Variants in GLRA1 observed in about 807,000 individuals in gnomAD.
The protein encoded by GLRA1 is glycine receptor alpha 1.
GLRA1 carries 37 observed loss-of-function variants against 48.3 expected under a neutral mutation model. The observed-to-expected ratio is 0.77, with a 90% confidence interval of 0.59 to 1.01. The LOEUF is 1.01. GLRA1 is among the 50% of genes least tolerant of loss of function. GLRA1 has a pLI of 0.00. For missense variants in GLRA1, 427 were observed against 571.0 expected, an observed-to-expected ratio of 0.75 and a Z score of 2.57; for synonymous variants, 196 against 210.7, an observed-to-expected ratio of 0.93 and a Z score of 0.60.
intron 2 of GLRA1, among the ~76,000 whole-genome samples, chr5:151,889,787 CA>C (rs1754013413): frequency 1.3e-5 from 2 of 151,940 alleles, no homozygotes; most frequent in Non-Finnish European, 2.9e-5. Flanking sequence ...GGAAAGGCAT[CA>C]AAGGGCTCAG....
intron 2 of GLRA1, among the ~76,000 whole-genome samples, chr5:151,889,438 G>A (rs993619251): frequency 6.6e-6 from 1 of 152,248 alleles, no homozygotes; most frequent in Non-Finnish European, 1.5e-5. Flanking sequence ...GATACAGTAA[G>A]TGACTCATTT....
chr5:151,899,952 G>A (rs1317050402), intron 1 of GLRA1, among the ~76,000 whole-genome samples: 2 of 152,082 alleles, frequency 1.3e-5, no homozygotes, highest in African/African-American at 4.8e-5. Context: ...TCTTCTTGTA[G>A]CAAGGTAAAA....
At chr5:151,883,405 T>TA (rs1753813869) in intron 3 of GLRA1, among the ~76,000 whole-genome samples, 1 of 150,268 alleles carries the variant, frequency 6.7e-6, no homozygotes, top group African/African-American at 2.5e-5. Context: ...TCTTTGGAGT[T>TA]ATAGCAGTGT....
chr5:151,838,474 AAG>A (rs1342340939), intron 7 of GLRA1, among the ~76,000 whole-genome samples: 1 of 152,202 alleles, frequency 6.6e-6, no homozygotes, highest in Non-Finnish European at 1.5e-5. Context: ...TTCTCAAAAA[AAG>A]AAATGATAAA....
At chr5:151,839,695 A>C (rs1442882840) in intron 7 of GLRA1, among the ~76,000 whole-genome samples, 2 of 152,104 alleles carry the variant, frequency 1.3e-5, no homozygotes, top group Non-Finnish European at 2.9e-5. Flanking sequence ...CTTTAGGGTG[A>C]GATCTTACAG....
At chr5:151,857,901 A>G (rs1378489565) in intron 4 of GLRA1, among the ~76,000 whole-genome samples, 1 of 152,202 alleles carries the variant, frequency 6.6e-6, no homozygotes, top group African/African-American at 2.4e-5. Context: ...CAGGTGAGAA[A>G]CCCAGGGTGC....
intron 2 of GLRA1, among the ~76,000 whole-genome samples, chr5:151,890,921 A>G (rs1581648557): frequency 6.6e-6 from 1 of 150,474 alleles, no homozygotes; most frequent in East Asian, 2.0e-4. Flanking sequence ...GTAAATGGGG[A>G]GAGTGGGCCC....
chr5:151,845,694 C>T (rs899717209), intron 7 of GLRA1, among the ~76,000 whole-genome samples: 2 of 152,298 alleles, frequency 1.3e-5, no homozygotes, highest in East Asian at 1.9e-4. Flanking sequence ...TAACATGTGA[C>T]ACAACAGTTT....
At chr5:151,843,754 C>A (rs1027600737) in intron 7 of GLRA1, among the ~76,000 whole-genome samples, 2 of 152,104 alleles carry the variant, frequency 1.3e-5, no homozygotes, top group African/African-American at 4.8e-5. Context: ...AATTGAGAGT[C>A]CAGAAGTAAG....
At chr5:151,867,043 T>C (rs1753356343) in intron 3 of GLRA1, among the ~76,000 whole-genome samples, 1 of 152,134 alleles carries the variant, frequency 6.6e-6, no homozygotes, top group East Asian at 1.9e-4. Flanking sequence ...CCCATGAGGT[T>C]GAGGCTGTAG....
At chr5:151,854,951 A>C in intron 6 of GLRA1, 89 bp downstream of exon 6, 1 of 1,368,690 alleles carries the variant, frequency 7.3e-7, no homozygotes. Context: ...TCTTCATAAG[A>C]TCTGTTGGAT....
Position 151,855,025 on chromosome 5 carries a change from G to T in GLRA1, c.697+15C>A. On this transcript the variant is annotated intron_variant, in intron 6 of 8. Transcript: ENST00000274576. The stretch of plus-strand genomic sequence containing the variant: ...TTGGGGGGTGGGATCTGAGGAGGGT[G>T]GCCCTTGTACCTACCTGTGTTGTAG... 1 of 1,613,516 alleles carries T rather than the reference G, an allele frequency of 6.2e-7. No individual in the cohort carries two copies. The highest frequency in any genetic ancestry group is 8.5e-7 in the Non-Finnish European group (1 of 1,179,620).
intron 7 of GLRA1, among the ~76,000 whole-genome samples, chr5:151,838,243 A>G (rs1270175998): frequency 2.0e-5 from 3 of 152,134 alleles, no homozygotes; most frequent in East Asian, 1.9e-4. Context: ...TGAGGCAGGT[A>G]GATCACCTCA....
rs149160214 is a variant in GLRA1 at position 151,872,789 on chromosome 5, G to A, written c.253-12781C>T. ...TAATATATTTGTTTTCCCATGTTTC[G>A]AAATTTGGGATTGTGTAGAGAGTTA... On this transcript the variant is annotated intron_variant, in intron 3 of 8. Coordinates refer to ENST00000274576, the MANE Select transcript of GLRA1 (RefSeq NM_000171.4). Among the ~76,000 whole-genome samples, 8 of 149,828 alleles carry A rather than the reference G, an allele frequency of 5.3e-5. 1 individual carries two copies. Among genetic ancestry groups the A allele is most frequent in the South Asian group, 2.1e-4 (1 of 4,808 alleles).
Position 151,849,458 on chromosome 5 carries a change from T to TTC in GLRA1, c.912+1931_912+1932insGA, listed in dbSNP as rs1312563438. On this transcript the variant is annotated intron_variant, in intron 7 of 8. Coordinates refer to ENST00000274576, the MANE Select transcript of GLRA1 (RefSeq NM_000171.4). ...TTCCTTTCCTTTCCTTTCCTTTCCT[T>TTC]CCTTCCTTCCTTCCTTCCTTCCTTC... Among the ~76,000 whole-genome samples the TTC allele has an allele frequency of 3.3e-4, 14 of 42,122 alleles. 3 individuals are homozygous for TTC. Among genetic ancestry groups the TTC allele is most frequent in the African/African-American group, 1.9e-3 (13 of 6,986 alleles). 27.6% of individuals were successfully genotyped at this position (42,122 alleles called of 152,430 possible).
chr5:151,917,031 A>G (rs1419837573), intron 1 of GLRA1, among the ~76,000 whole-genome samples: 1 of 152,146 alleles, frequency 6.6e-6, no homozygotes, highest in Admixed American at 6.5e-5. Flanking sequence ...TATGTAGTGG[A>G]GTAAGTTTGG....
chr5:151,877,762 A>G (rs1202547760), intron 3 of GLRA1, among the ~76,000 whole-genome samples: 1 of 152,220 alleles, frequency 6.6e-6, no homozygotes, highest in African/African-American at 2.4e-5. Flanking sequence ...GTCTGCTGCC[A>G]TGTGAGACAT....
chr5:151,838,542 T>C (rs1054002246), intron 7 of GLRA1, among the ~76,000 whole-genome samples: 1 of 152,072 alleles, frequency 6.6e-6, no homozygotes, highest in African/African-American at 2.4e-5. Context: ...AATGAAAACT[T>C]CACTAGATGG....
chr5:151,828,518 G>GATCTC (rs1763336207), intron 8 of GLRA1, among the ~76,000 whole-genome samples: 1 of 152,198 alleles, frequency 6.6e-6, no homozygotes, highest in Admixed American at 6.5e-5. Flanking sequence ...TCTACGTTAA[G>GATCTC]ATCTCACCTT....
Sources: allele counts gnomAD v4.1 joint callset (sites outside exome capture counted in the v4.1 genomes callset), GRCh38; gene constraint gnomAD v4.1.1; transcripts MANE v1.5; gene names NCBI Gene and HGNC (gene_info 2026-07-23, HGNC 2026-07-21).